Variants in CDC27 observed in about 807,000 individuals in gnomAD.
CDC27 encodes the protein cell division cycle protein 27 homolog.
Under a neutral mutation model 109.7 loss-of-function variants are expected in CDC27, and 27 were observed. The observed-to-expected ratio is 0.25, with a 90% CI of 0.18 to 0.34. The LOEUF is 0.34. Ranked by LOEUF, CDC27 falls within the 10% of genes least tolerant of loss-of-function variation. The probability of loss-of-function intolerance (pLI) is 1.00; values close to 1 mark genes in which losing one functional copy is unlikely to be tolerated. For synonymous variants in CDC27, 266 were observed against 333.9 expected (o/e 0.80, Z 2.22); for missense variants, 579 against 960.2 (o/e 0.60, Z 5.25).
intron 2 of CDC27, among the ~76,000 whole-genome samples, chr17:47,174,722 G>A (rs894549431): frequency 5.9e-5 from 9 of 152,132 alleles, no homozygotes; most frequent in African/African-American, 1.9e-4. Flanking sequence ...TTGGGAGGCC[G>A]AGGCAGGTGG....
chr17:47,170,127 T>C, intron 3 of CDC27, 85 bp from the exon 4 acceptor site: 1 of 1,088,788 alleles, frequency 9.2e-7, no homozygotes. Flanking sequence ...AAAGTGCATC[T>C]AACTATGGAG....
Position 47,169,904 on chromosome 17 carries a change from C to T in CDC27, c.377+13G>A. ...GAAATGCTTTTCTGACAGTTTGAAT[C>T]ATTCTTACTTACCAATATACATGTC... On this transcript the variant is annotated intron_variant, in intron 4 of 18. Transcript: ENST00000066544. 6.4e-7 allele frequency: 1 copy of T among 1,558,982 alleles called. No individual in the cohort carries two copies. Among genetic ancestry groups the T allele is most frequent in the Non-Finnish European group, 8.6e-7 (1 of 1,159,426 alleles).
chr17:47,123,548 T>A (rs1309727438), intron 17 of CDC27, among the ~76,000 whole-genome samples: 1 of 151,898 alleles, frequency 6.6e-6, no homozygotes, highest in African/African-American at 2.4e-5. Context: ...GTAGCTGGGA[T>A]TACAGGCATG....
At chr17:47,186,464 G>A (rs939333270) in intron 1 of CDC27, among the ~76,000 whole-genome samples, 3 of 152,056 alleles carry the variant, frequency 2.0e-5, no homozygotes, top group African/African-American at 7.2e-5. Flanking sequence ...TTACCCCTAG[G>A]AATAATTGCT....
chr17:47,148,263 A>C (rs1309473386), intron 9 of CDC27, among the ~76,000 whole-genome samples: 1 of 152,124 alleles, frequency 6.6e-6, no homozygotes, highest in Non-Finnish European at 1.5e-5. Flanking sequence ...AATGTCTGCA[A>C]TAAAAAAACA....
chr17:47,150,305 T>C (rs1471141814), intron 9 of CDC27, among the ~76,000 whole-genome samples: 1 of 152,238 alleles, frequency 6.6e-6, no homozygotes, highest in African/African-American at 2.4e-5. Flanking sequence ...CCCCAGTACA[T>C]GTCAATGTGA....
rs1335891662 is a variant in CDC27 at position 47,158,784 on chromosome 17, AATTT to A, written c.378-485_378-482del. Among the ~76,000 whole-genome samples the A allele has an allele frequency of 3.9e-5, 6 of 152,098 alleles. No individual in the cohort carries two copies. In the East Asian group the frequency reaches 9.6e-4, roughly 24 times the overall value. On this transcript the variant is annotated intron_variant, in intron 4 of 18. Coordinates refer to ENST00000066544, the MANE Select transcript of CDC27 (RefSeq NM_001256.6). ...TAGGTGCGCACCACCATATCCGGCT[AATTT>A]TTGCATATTTTGTAGAGACCAGGCT...
chr17:47,131,357 C>G (rs1372518226), intron 15 of CDC27, among the ~76,000 whole-genome samples: 1 of 152,134 alleles, frequency 6.6e-6, no homozygotes, highest in East Asian at 1.9e-4. Context: ...TCTTACGGTG[C>G]TGGACTATGT....
At chr17:47,146,270 G>A (rs1309290806) in intron 9 of CDC27, among the ~76,000 whole-genome samples, 1 of 152,226 alleles carries the variant, frequency 6.6e-6, no homozygotes, top group African/African-American at 2.4e-5. Context: ...ATGTAAGAGG[G>A]TAGTAGGAAT....
intron 4 of CDC27, among the ~76,000 whole-genome samples, chr17:47,161,402 T>C (rs2063494222): frequency 6.6e-6 from 1 of 152,008 alleles, no homozygotes; most frequent in Admixed American, 6.6e-5. Flanking sequence ...CTGAAAGTAA[T>C]AGGGTGGAAC....
chr17:47,142,158 A>G, intron 11 of CDC27, 71 bp downstream of exon 11: 1 of 1,150,454 alleles, frequency 8.7e-7, no homozygotes, highest in Non-Finnish European at 1.2e-6. Flanking sequence ...TACTGTAATG[A>G]ACATAAAGAA....
chr17:47,139,772 TATTA>T (rs1300105679), intron 12 of CDC27: 1 of 152,204 alleles, frequency 6.6e-6, no homozygotes, highest in Non-Finnish European at 1.5e-5. Flanking sequence ...AGGCCCTACC[TATTA>T]ATTATCCTTT....
At chr17:47,170,304 C>T in intron 3 of CDC27, 1 of 213,840 alleles carries the variant, frequency 4.7e-6, no homozygotes, top group Non-Finnish European at 9.2e-6. Flanking sequence ...CTCAGGTGAG[C>T]CTCTTGCATC....
intron 18 of CDC27, 89 bp downstream of exon 18, chr17:47,122,355 G>T: frequency 1.1e-6 from 1 of 932,928 alleles, no homozygotes; most frequent in Non-Finnish European, 1.5e-6. Flanking sequence ...AAACACCATG[G>T]TTAGAAAAAT....
At chr17:47,134,020 G>A (rs978273099) in intron 14 of CDC27, among the ~76,000 whole-genome samples, 2 of 152,030 alleles carry the variant, frequency 1.3e-5, no homozygotes, top group Admixed American at 6.6e-5. Context: ...CAAAGTGCCG[G>A]GATTGCAGGT....
chr17:47,157,096 G>A lies in CDC27; in HGVS notation c.659C>T (p.Ser220Phe). ...TGTATTCAAGGAGTACTTTGAATTG[G>A]AAGATTCTAAATTCAATCTGTTTAA... is the stretch of plus-strand genomic sequence containing the variant. ...IELNRLNLES[S>F]NSKYSLNTDS... Residue 220 changes from serine (S) to phenylalanine (F), a missense_variant, in exon 7 of 19, where the codon TCC becomes TTC. Around this residue, in one of 9 missense-constraint regions of CDC27, gnomAD observed 57 missense variants for 59.0 expected, o/e 0.97. Coordinates refer to ENST00000066544, the MANE Select transcript of CDC27 (RefSeq NM_001256.6). 1 of 1,581,528 alleles carries A rather than the reference G, an allele frequency of 6.3e-7. No homozygotes were observed. The highest frequency in any genetic ancestry group is 8.6e-7 in the Non-Finnish European group (1 of 1,163,646).
At chr17:47,167,327 T>A (rs2148953652) in intron 4 of CDC27, among the ~76,000 whole-genome samples, 1 of 152,374 alleles carries the variant, frequency 6.6e-6, no homozygotes, top group East Asian at 1.9e-4. Context: ...TAGGATTATT[T>A]CTCCAACATT....
intron 2 of CDC27, among the ~76,000 whole-genome samples, chr17:47,179,662 C>T (rs1423678209): frequency 6.6e-6 from 1 of 152,154 alleles, no homozygotes; most frequent in Non-Finnish European, 1.5e-5. Context: ...AGTATCTGCT[C>T]TTACTACACT....
intron 9 of CDC27, among the ~76,000 whole-genome samples, chr17:47,149,469 C>G (rs1484776488): frequency 6.8e-6 from 1 of 145,996 alleles, no homozygotes; most frequent in East Asian, 2.0e-4. Flanking sequence ...CGAGATCGTG[C>G]CACTGCACTT....
Sources: gnomAD v4.1 joint callset for allele counts (sites outside exome capture counted in the v4.1 genomes callset) on GRCh38, gnomAD v4.1.1 for gene constraint, gnomAD v4.1.1 regional missense constraint, MANE v1.5 for transcripts, NCBI Gene and HGNC (gene_info 2026-07-23, HGNC 2026-07-21) for gene names.